RCAN2: variants seen among roughly 807,000 people sequenced by gnomAD.
RCAN2 encodes the protein calcipressin-2.
In RCAN2, 9 loss-of-function variants were observed where a neutral mutation model predicts 23.6. The ratio of observed to expected loss-of-function variants is 0.38; its 90% CI spans 0.23 to 0.67. The LOEUF (loss-of-function observed/expected upper bound fraction) is 0.67. RCAN2 is among the 30% of genes least tolerant of loss of function. The pLI is 0.51. For synonymous variants in RCAN2, 109 were observed against 115.7 expected, an observed-to-expected ratio of 0.94 and a Z score of 0.37; for missense variants, 273 against 302.3, an observed-to-expected ratio of 0.90 and a Z score of 0.72.
intron 2 of RCAN2, among the ~76,000 whole-genome samples, chr6:46,420,049 A>G (rs1344714542): frequency 2.0e-5 from 3 of 152,168 alleles, no homozygotes; most frequent in Non-Finnish European, 4.4e-5. Flanking sequence ...AAATTATTTT[A>G]CTTCATTAAT....
chr6:46,387,205 G>A (rs1490164245), intron 2 of RCAN2, among the ~76,000 whole-genome samples: 1 of 152,194 alleles, frequency 6.6e-6, no homozygotes, highest in Non-Finnish European at 1.5e-5. Flanking sequence ...AGGATTTCAT[G>A]TCTAAAACAC....
At chr6:46,264,341 C>A (rs999153467) in intron 2 of RCAN2, among the ~76,000 whole-genome samples, 1 of 152,158 alleles carries the variant, frequency 6.6e-6, no homozygotes, top group Non-Finnish European at 1.5e-5. Flanking sequence ...GCAGGGTATC[C>A]TTTAACTTAT....
intron 1 of RCAN2, among the ~76,000 whole-genome samples, chr6:46,458,560 A>G (rs779761812): frequency 6.6e-6 from 1 of 152,128 alleles, no homozygotes; most frequent in African/African-American, 2.4e-5. Flanking sequence ...CAATTAGCGC[A>G]TTTCCATATT....
chr6:46,440,180 A>G (rs1329977566), intron 2 of RCAN2, among the ~76,000 whole-genome samples: 1 of 152,206 alleles, frequency 6.6e-6, no homozygotes, highest in Non-Finnish European at 1.5e-5. Context: ...ATGCTTTATA[A>G]GTGTTCATTT....
At chr6:46,412,603 G>A (rs1380789018) in intron 2 of RCAN2, among the ~76,000 whole-genome samples, 2 of 152,180 alleles carry the variant, frequency 1.3e-5, no homozygotes, top group East Asian at 1.9e-4. Context: ...AAAACAGATG[G>A]CAATGTCACA....
At chr6:46,346,607 T>C (rs1267181160) in intron 2 of RCAN2, among the ~76,000 whole-genome samples, 2 of 152,006 alleles carry the variant, frequency 1.3e-5, no homozygotes, top group Admixed American at 1.3e-4. Flanking sequence ...AAGGAATTAG[T>C]GTCATGGGAA....
rs117432777 is a variant in RCAN2, at chr6:46,461,661, T to A, written c.-2-4683A>T. Reference sequence around the variant, plus strand: ...AGTACAATGGCACGATCTTGACTCATCGCAACTTCCGCCTCCCGGGTTCAA... The same window carrying A: ...AGTACAATGGCACGATCTTGACTCAACGCAACTTCCGCCTCCCGGGTTCAA... On this transcript the variant is annotated intron_variant, in intron 1 of 4. Coordinates refer to ENST00000371374, the MANE Select transcript of RCAN2 (RefSeq NM_001251974.2). 7.9e-5 allele frequency among the ~76,000 whole-genome samples: 12 copies of A among 151,818 alleles called. No individual in the cohort carries two copies. In the East Asian group the frequency reaches 2.3e-3, roughly 30 times the overall value.
At chr6:46,244,446 G>C (rs1032757769) in intron 4 of RCAN2, among the ~76,000 whole-genome samples, 1 of 152,066 alleles carries the variant, frequency 6.6e-6, no homozygotes, top group African/African-American at 2.4e-5. Flanking sequence ...TCCAGAGCCT[G>C]GACTCAGCTG....
intron 2 of RCAN2, among the ~76,000 whole-genome samples, chr6:46,351,489 A>C (rs957120004): frequency 2.6e-5 from 4 of 152,210 alleles, no homozygotes; most frequent in African/African-American, 9.6e-5. Context: ...GATTTGAAGG[A>C]AGCCATGTCC....
chr6:46,240,065 G>A (rs1766249937), intron 4 of RCAN2, among the ~76,000 whole-genome samples: 1 of 152,132 alleles, frequency 6.6e-6, no homozygotes, highest in South Asian at 2.1e-4. Flanking sequence ...GAAAGTGGCG[G>A]AGATGAAGAA....
At chr6:46,361,330 T>C (rs576683927) in intron 2 of RCAN2, among the ~76,000 whole-genome samples, 1 of 152,276 alleles carries the variant, frequency 6.6e-6, no homozygotes, top group African/African-American at 2.4e-5. Flanking sequence ...GATGGAGGAA[T>C]CTGTAGTCAC....
chr6:46,480,086 C>A (rs536276453), intron 1 of RCAN2, among the ~76,000 whole-genome samples: 3 of 152,136 alleles, frequency 2.0e-5, no homozygotes, highest in African/African-American at 7.2e-5. Context: ...CATTATAAAG[C>A]GGGCCCCACA....
chr6:46,378,810 A>C (rs1312888251), intron 2 of RCAN2, among the ~76,000 whole-genome samples: 1 of 152,230 alleles, frequency 6.6e-6, no homozygotes, highest in East Asian at 1.9e-4. Context: ...AAGTTTCTTT[A>C]GAACAATGTT....
intron 4 of RCAN2, among the ~76,000 whole-genome samples, chr6:46,235,343 T>C (rs1456778042): frequency 6.6e-6 from 1 of 152,164 alleles, no homozygotes; most frequent in East Asian, 1.9e-4. Context: ...ATCCCAGAAC[T>C]AGAGGCTTTG....
chr6:46,395,279 A>AG (rs1422006706), intron 2 of RCAN2, among the ~76,000 whole-genome samples: 2 of 152,158 alleles, frequency 1.3e-5, no homozygotes, highest in Admixed American at 1.3e-4. Context: ...AGGGAAAGAT[A>AG]AGATGCAAGC....
rs1172166620 is a variant in RCAN2, at chr6:46,462,779, T to A, written c.-2-5801A>T. 3.3e-5 allele frequency among the ~76,000 whole-genome samples: 5 copies of A among 152,360 alleles called. No homozygotes were observed. The East Asian group carries it at 7.7e-4, about 23-fold the overall frequency. On this transcript the variant is annotated intron_variant, in intron 1 of 4. Coordinates refer to ENST00000371374, the MANE Select transcript of RCAN2 (RefSeq NM_001251974.2). The stretch of plus-strand genomic sequence containing the variant: ...AAGAGACCTTTAGAAGACATCTGAT[T>A]CTGCTGGATATCATTATTGTCACAG...
chr6:46,335,322 G>T (rs1764105491), intron 2 of RCAN2, among the ~76,000 whole-genome samples: 1 of 152,172 alleles, frequency 6.6e-6, no homozygotes, highest in Non-Finnish European at 1.5e-5. Flanking sequence ...GTCCTGCCAT[G>T]AGTCTCATTA....
chr6:46,291,438 G>C (rs796390116), intron 2 of RCAN2, among the ~76,000 whole-genome samples: 9 of 152,074 alleles, frequency 5.9e-5, no homozygotes, highest in African/African-American at 2.2e-4. Flanking sequence ...CCGAGTCCCA[G>C]CGGTGGGAAC....
chr6:46,273,145 T>G (rs1767572217), intron 2 of RCAN2, among the ~76,000 whole-genome samples: 1 of 152,202 alleles, frequency 6.6e-6, no homozygotes, highest in Non-Finnish European at 1.5e-5. Flanking sequence ...TCCAACATCT[T>G]GGAAGTGGGC....
Sources: gnomAD v4.1 joint callset for allele counts (sites outside exome capture counted in the v4.1 genomes callset) on GRCh38, gnomAD v4.1.1 for gene constraint, MANE v1.5 for transcripts, NCBI Gene and HGNC (gene_info 2026-07-23, HGNC 2026-07-21) for gene names.